The following GCC2 variants were observed in gnomAD, a reference collection of about 807,000 sequenced individuals.
The protein encoded by GCC2 is GRIP and coiled-coil domain containing 2.
Under a neutral mutation model 210.6 loss-of-function variants are expected in GCC2, and 120 were observed. The ratio of observed to expected loss-of-function variants is 0.57; its 90% confidence interval spans 0.49 to 0.66. The LOEUF (loss-of-function observed/expected upper bound fraction) is 0.66. GCC2 is among the 30% of genes least tolerant of loss of function. The pLI, the probability that GCC2 is intolerant of heterozygous loss-of-function variation, is 0.00. For missense variants in GCC2, 1,868 were observed against 1,871.9 expected (o/e 1.00, Z 0.04); for synonymous variants, 703 against 652.7 (o/e 1.08, Z -1.17).
chr2:108,485,763 T>C (rs1682109590), intron 14 of GCC2, 27 bp downstream of exon 14: 1 of 1,471,126 alleles, frequency 6.8e-7, no homozygotes, highest in Non-Finnish European at 9.3e-7. Context: ...GTTTCATATT[T>C]AGTACTTATT....
At chr2:108,456,967 A>T (rs943468346) in intron 4 of GCC2, among the ~76,000 whole-genome samples, 2 of 143,044 alleles carry the variant, frequency 1.4e-5, no homozygotes, top group East Asian at 2.2e-4. Context: ...AAAAAAAAAA[A>T]TTTAAGATGC....
At chr2:108,452,357 C>T (rs747356955) in intron 3 of GCC2, 42 bp from the exon 4 acceptor site, 1 of 1,020,604 alleles carries the variant, frequency 9.8e-7, no homozygotes. Flanking sequence ...TAATTATGTT[C>T]TTTATTTCTG....
At chr2:108,501,104 T>C (rs1682905395) in intron 22 of GCC2, among the ~76,000 whole-genome samples, 1 of 151,882 alleles carries the variant, frequency 6.6e-6, no homozygotes, top group Admixed American at 6.6e-5. Flanking sequence ...CAAGCGATTC[T>C]CCTGCCTCAG....
rs1174750876 is a variant in GCC2 at position 108,492,654 on chromosome 2, G to A, written c.4311G>A (p.Glu1437=). Reference sequence around the variant, plus strand: ...TGAGTCAGCTAACATCCCAGAACGAGGTCCTTCGAAATAGCTTCCGAGATC... The same window carrying A: ...TGAGTCAGCTAACATCCCAGAACGAAGTCCTTCGAAATAGCTTCCGAGATC... The part of the protein sequence containing the change: ...QTVSQLTSQN[E]VLRNSFRDQV... Residue 1437 remains glutamate, a synonymous_variant, in exon 19 of 23, where the codon GAG becomes GAA. Transcript: ENST00000309863. 3.1e-6 allele frequency: 5 copies of A among 1,613,638 alleles called. No homozygotes were observed. The highest frequency in any genetic ancestry group is 2.7e-5 in the African/African-American group (2 of 74,902).
chr2:108,459,675 T>C (rs1321507108), intron 4 of GCC2, among the ~76,000 whole-genome samples: 1 of 151,094 alleles, frequency 6.6e-6, no homozygotes, highest in Non-Finnish European at 1.5e-5. Flanking sequence ...GTCAGGTTCA[T>C]ATATGTTTAG....
rs769643756 is a variant in GCC2, at chr2:108,481,766, G to C, written c.3130G>C (p.Glu1044Gln). ...DVEKERANNF[E>Q]HRIEDLTRQL... ...GGAAAAAGAACGTGCTAATAATTTT[G>C]AGCATCGTATTGAAGACCTTACAAG... is the stretch of plus-strand genomic sequence containing the variant. The change falls in exon 10 of 23, where the codon GAG becomes CAG. Residue 1044 changes from glutamate to glutamine, a missense_variant. This residue lies in a region of GCC2 where 1,847 missense variants were observed against 1,765.2 expected (regional missense o/e 1.05). Coordinates refer to ENST00000309863, the MANE Select transcript of GCC2 (RefSeq NM_181453.4). 1.2e-6 allele frequency: 2 copies of C among 1,604,126 alleles called. No individual in the cohort carries two copies. Among genetic ancestry groups the C allele is most frequent in the Non-Finnish European group, 1.7e-6 (2 of 1,174,188 alleles).
intron 19 of GCC2, 64 bp from the exon 20 acceptor site, chr2:108,495,227 C>G (rs1231520313): frequency 1.0e-6 from 1 of 990,716 alleles, no homozygotes; most frequent in Non-Finnish European, 1.5e-6. Flanking sequence ...TTGTGTATCT[C>G]TGTAAGGCCA....
Position 108,502,968 on chromosome 2 carries a change from A to C in GCC2, c.4984+3214A>C, listed in dbSNP as rs1004129471. Among the ~76,000 whole-genome samples the C allele has an allele frequency of 7.9e-5, 12 of 152,134 alleles. No homozygotes were observed. The South Asian group carries it at 8.3e-4, about 10-fold the overall frequency. Reference sequence around the variant, plus strand: ...TGTAAACTACAAGATAGTTCAAAAGAAATTACACAGAATTCAGCATGGGAG... The same window carrying C: ...TGTAAACTACAAGATAGTTCAAAAGCAATTACACAGAATTCAGCATGGGAG... On this transcript the variant is annotated intron_variant, in intron 22 of 22. Coordinates refer to ENST00000309863, the MANE Select transcript of GCC2 (RefSeq NM_181453.4).
At chr2:108,449,505 TTC>T (rs1198989280) in intron 1 of GCC2, 126 bp from the exon 2 acceptor site, 3 of 1,226,322 alleles carry the variant, frequency 2.4e-6, no homozygotes, top group Admixed American at 2.0e-5. Context: ...TCCGCCCTCA[TTC>T]TCTGTCTCAC....
At position 108,469,889 on chromosome 2, in the gene GCC2, T is replaced by C. The variant is rs1208830244; in HGVS notation, c.560T>C (p.Ile187Thr). The stretch of plus-strand genomic sequence containing the variant: ...AATGTTAAAAAACTACAAGAAGAGA[T>C]TGAGAAAATTAGGCCAGGCTTTGAG... ...EDNVKKLQEE[I>T]EKIRPGFEEQ... is the part of the protein sequence containing the mutation. Residue 187 changes from isoleucine to threonine, a missense_variant, in exon 6 of 23, where the codon ATT becomes ACT. Physicochemically the swap from Ile to Thr is moderately conservative, Grantham distance 89 (BLOSUM62 -1). Coordinates refer to ENST00000309863, the MANE Select transcript of GCC2 (RefSeq NM_181453.4). 1.9e-6 allele frequency: 3 copies of C among 1,613,084 alleles called. No individual in the cohort carries two copies. The highest frequency in any genetic ancestry group is 1.1e-5 in the South Asian group (1 of 90,954).
intron 10 of GCC2, among the ~76,000 whole-genome samples, chr2:108,482,023 G>A (rs1013637832): frequency 6.6e-6 from 1 of 152,132 alleles, no homozygotes; most frequent in African/African-American, 2.4e-5. Flanking sequence ...CCCCTAGAGG[G>A]TTGTTTGTTT....
chr2:108,460,380 C>T (rs934671471), intron 4 of GCC2, among the ~76,000 whole-genome samples: 3 of 151,934 alleles, frequency 2.0e-5, no homozygotes, highest in Admixed American at 6.5e-5. Context: ...TATATGTGAG[C>T]CTTTTTTCTG....
intron 20 of GCC2, chr2:108,496,378 G>C (rs1682647963): frequency 6.4e-6 from 1 of 155,498 alleles, no homozygotes; most frequent in Non-Finnish European, 1.4e-5. Flanking sequence ...TTGTATTCAT[G>C]GTCACTGACC....
rs59458748 is a variant in GCC2 at position 108,456,948 on chromosome 2, T to TAAAA, written c.216+4498_216+4501dup. ...CTGGGTGACAGAGGGAGCCCTTACA[T>TAAAA]AAAAAAAAAAAAAAAAAAATTTAAG... On this transcript the variant is annotated intron_variant, in intron 4 of 22. Coordinates refer to ENST00000309863, the MANE Select transcript of GCC2 (RefSeq NM_181453.4). Among the ~76,000 whole-genome samples, 8 of 133,690 alleles carry TAAAA rather than the reference T, an allele frequency of 6.0e-5. No homozygotes were observed. The South Asian group carries it at 1.2e-3, about 20-fold the overall frequency. The allele number at this position is 133,690 out of a possible 152,430, so 87.7% of individuals were successfully genotyped here.
intron 4 of GCC2, among the ~76,000 whole-genome samples, chr2:108,452,834 C>T (rs974479413): frequency 2.6e-5 from 4 of 151,812 alleles, no homozygotes; most frequent in East Asian, 1.9e-4. Flanking sequence ...GCTGGGACTA[C>T]AGGCGCCCGC....
At position 108,470,214 on chromosome 2, in the gene GCC2, T is replaced by C. The variant is rs1423342495; in HGVS notation, c.885T>C (p.Tyr295=). ...EASEKNIQKK[Y]ECELENLRKA... is the part of the protein sequence containing the mutation. The stretch of plus-strand genomic sequence containing the variant: ...GTGAAAAGAACATCCAGAAGAAATA[T>C]GAATGTGAGTTAGAAAATTTAAGGA... The change falls in exon 6 of 23, where the codon TAT becomes TAC. Residue 295 remains tyrosine (Y), a synonymous_variant. Coordinates refer to ENST00000309863, the MANE Select transcript of GCC2 (RefSeq NM_181453.4). The C allele has an allele frequency of 8.1e-6, 13 of 1,613,452 alleles. No homozygotes were observed. Among genetic ancestry groups the C allele is most frequent in the African/African-American group, 2.7e-5 (2 of 75,000 alleles).
At chr2:108,478,982 C>G (rs934401412) in intron 9 of GCC2, among the ~76,000 whole-genome samples, 1 of 152,010 alleles carries the variant, frequency 6.6e-6, no homozygotes, top group Non-Finnish European at 1.5e-5. Flanking sequence ...TGCCTGAGGT[C>G]AGGAGTTCGA....
At chr2:108,449,487 C>A in intron 1 of GCC2, 146 bp from the exon 2 acceptor site, 2 of 1,156,478 alleles carry the variant, frequency 1.7e-6, no homozygotes, top group Non-Finnish European at 2.5e-6. Context: ...CCACAGCGAC[C>A]GCCTCCGTCC....
rs2104444901 is a variant in GCC2 at position 108,469,096 on chromosome 2, T to G, written c.321+12T>G. ...AGCAAGAGGTTGAGGTAAGTCAATATTTTAGTGTTCTTTTCTTTTTTATTA... is the reference window on the plus strand; with the variant it reads ...AGCAAGAGGTTGAGGTAAGTCAATAGTTTAGTGTTCTTTTCTTTTTTATTA... On this transcript the variant is annotated intron_variant, in intron 5 of 22. Transcript: ENST00000309863. The G allele has an allele frequency of 6.8e-7, 1 of 1,481,244 alleles. No individual in the cohort carries two copies. The highest frequency in any genetic ancestry group is 2.3e-5 in the East Asian group (1 of 44,176). The allele number at this position is 1,481,244 out of a possible 1,614,324, so 91.8% of individuals were successfully genotyped here. A position where few individuals can be genotyped will look rare whatever the true frequency, so the allele number is the denominator to read the frequency against.
Sources: gnomAD v4.1 joint callset for allele counts (sites outside exome capture counted in the v4.1 genomes callset) on GRCh38, gnomAD v4.1.1 for gene constraint, gnomAD v4.1.1 regional missense constraint, MANE v1.5 for transcripts, NCBI Gene and HGNC (gene_info 2026-07-23, HGNC 2026-07-21) for gene names.